The following RCOR1 variants were observed in gnomAD, a reference collection of about 807,000 sequenced individuals.
RCOR1 encodes REST corepressor 1.
RCOR1 carries 12 observed loss-of-function variants against 64.0 expected under a neutral mutation model. The observed-to-expected ratio is 0.19, with a 90% confidence interval of 0.12 to 0.30. RCOR1 has a LOEUF of 0.30. Among genes scored for constraint, RCOR1 ranks in the 10% least tolerant of loss-of-function variants. The pLI, the probability that RCOR1 is intolerant of heterozygous loss-of-function variation, is 1.00. For missense variants in RCOR1, 502 were observed against 621.2 expected (o/e 0.81, Z 2.04); for synonymous variants, 279 against 227.2 (o/e 1.23, Z -2.05).
At chr14:102,629,409 A>G (rs1412546216) in intron 2 of RCOR1, among the ~76,000 whole-genome samples, 1 of 149,992 alleles carries the variant, frequency 6.7e-6, no homozygotes, top group East Asian at 2.0e-4. Context: ...AGGTGAGAGG[A>G]GAGCTTTTTA....
chr14:102,729,668 A>T lies in RCOR1; in HGVS notation c.*3162A>T. 2.5e-6 allele frequency: 1 copy of T among 394,754 alleles called. No homozygotes were observed. The highest frequency in any genetic ancestry group is 3.6e-5 in the East Asian group (1 of 27,852). The allele number at this position is 394,754 out of a possible 1,614,324, so 24.5% of individuals were successfully genotyped here. A position where few individuals can be genotyped will look rare whatever the true frequency, so the allele number is the denominator to read the frequency against. ...TTCATCTAAAGTTTCCTCAGATACCACAGACCACTGTTAAGTGTGCTCATT... is the reference window on the plus strand; with the variant it reads ...TTCATCTAAAGTTTCCTCAGATACCTCAGACCACTGTTAAGTGTGCTCATT... On this transcript the variant is annotated 3_prime_UTR_variant, in exon 12 of 12. Transcript: ENST00000262241.
chr14:102,702,149 T>A (rs1468272059), intron 4 of RCOR1, among the ~76,000 whole-genome samples: 1 of 152,240 alleles, frequency 6.6e-6, no homozygotes, highest in East Asian at 1.9e-4. Flanking sequence ...CTGACATTTC[T>A]TATTTTTCTG....
intron 2 of RCOR1, among the ~76,000 whole-genome samples, chr14:102,609,014 T>C (rs1490035812): frequency 6.6e-6 from 1 of 151,444 alleles, no homozygotes; most frequent in Non-Finnish European, 1.5e-5. Flanking sequence ...ATGGAGTAAT[T>C]CTGTGCTTCA....
At chr14:102,659,235 C>A in intron 2 of RCOR1, 1 of 985,034 alleles carries the variant, frequency 1.0e-6, no homozygotes, top group African/African-American at 1.7e-5. Flanking sequence ...TGCATATGAA[C>A]AAGTGGAGTT....
chr14:102,620,128 T>C (rs541422747), intron 2 of RCOR1, among the ~76,000 whole-genome samples: 1 of 152,214 alleles, frequency 6.6e-6, no homozygotes, highest in Admixed American at 6.6e-5. Flanking sequence ...AGTGACTCAC[T>C]TCTGTAATCC....
At chr14:102,629,079 G>C (rs887757639) in intron 2 of RCOR1, among the ~76,000 whole-genome samples, 2 of 151,982 alleles carry the variant, frequency 1.3e-5, no homozygotes, top group Non-Finnish European at 2.9e-5. Context: ...TATTCAACAC[G>C]CTGTTTCCTG....
At position 102,707,417 on chromosome 14, in the gene RCOR1, A is replaced by T; in HGVS notation, c.565A>T (p.Thr189Ser). Residue 189 changes from threonine to serine, a missense_variant, in exon 5 of 12, where the codon ACC becomes TCC. By Grantham distance (58) the Thr-to-Ser change is moderately conservative. This residue lies in a region of RCOR1 where 260 missense variants were observed against 416.4 expected (regional missense o/e 0.62). Transcript: ENST00000262241. ...GTCATTGGCTGATTTGCCCAACTTT[A>T]CCCCTTTCCCAGATGAGTGGACTGT... ...EKSLADLPNFTPFPDEWTVED... is the reference protein window; with the variant it reads ...EKSLADLPNFSPFPDEWTVED... 1 of 1,613,670 alleles carries T rather than the reference A, an allele frequency of 6.2e-7. No homozygotes were observed. Among genetic ancestry groups the T allele is most frequent in the Non-Finnish European group, 8.5e-7 (1 of 1,179,768 alleles).
At chr14:102,706,302 A>G (rs1273450522) in intron 4 of RCOR1, among the ~76,000 whole-genome samples, 4 of 152,066 alleles carry the variant, frequency 2.6e-5, no homozygotes, top group Non-Finnish European at 4.4e-5. Context: ...ATGGGTAAAA[A>G]TTACAGGATC....
At chr14:102,676,900 G>A (rs1595225220) in intron 2 of RCOR1, among the ~76,000 whole-genome samples, 4 of 116,014 alleles carry the variant, frequency 3.4e-5, no homozygotes, top group East Asian at 5.9e-4. Context: ...TGGCCGGGCG[G>A]GGGGCTGACC....
At chr14:102,702,932 C>CA (rs1244989819) in intron 4 of RCOR1, among the ~76,000 whole-genome samples, 1 of 152,040 alleles carries the variant, frequency 6.6e-6, no homozygotes, top group African/African-American at 2.4e-5. Flanking sequence ...GATTTTAAAA[C>CA]AACTATCTTA....
chr14:102,616,941 G>T (rs1893773285), intron 2 of RCOR1, among the ~76,000 whole-genome samples: 1 of 152,186 alleles, frequency 6.6e-6, no homozygotes, highest in Non-Finnish European at 1.5e-5. Flanking sequence ...CTAACAAACG[G>T]TTGCCAGCTA....
intron 2 of RCOR1, among the ~76,000 whole-genome samples, chr14:102,670,386 A>G (rs890733835): frequency 2.0e-5 from 3 of 152,170 alleles, no homozygotes; most frequent in African/African-American, 7.2e-5. Flanking sequence ...TAGAATTTAA[A>G]TTTTAAAGCA....
chr14:102,679,919 T>C (rs561944977), intron 2 of RCOR1, among the ~76,000 whole-genome samples: 1 of 152,370 alleles, frequency 6.6e-6, no homozygotes, highest in Non-Finnish European at 1.5e-5. Context: ...CCTTTCTTTA[T>C]GAATTGTAGA....
chr14:102,683,187 C>T (rs1339492222), intron 3 of RCOR1, among the ~76,000 whole-genome samples: 3 of 152,084 alleles, frequency 2.0e-5, no homozygotes, highest in Non-Finnish European at 2.9e-5. Flanking sequence ...TGATTACAAT[C>T]GTTTTAAGTT....
chr14:102,659,749 A>T (rs958997945), intron 2 of RCOR1, among the ~76,000 whole-genome samples: 1 of 152,204 alleles, frequency 6.6e-6, no homozygotes, highest in Non-Finnish European at 1.5e-5. Context: ...TGCTGCTGCC[A>T]TTTATATAAT....
In RCOR1 at chr14:102,685,335, A is replaced by T. The variant is rs138384467; in HGVS notation, c.445+3357A>T. 2.9e-3 allele frequency among the ~76,000 whole-genome samples: 438 copies of T among 152,072 alleles called. 1 individual carries two copies. The highest frequency in any genetic ancestry group is 4.6e-3 in the Non-Finnish European group (314 of 68,006). On this transcript the variant is annotated intron_variant, in intron 3 of 11. Transcript: ENST00000262241. The stretch of plus-strand genomic sequence containing the variant: ...TTTTTTTTTACTGTAACTAGTATGG[A>T]TGTATCATAATTTAGCCTTTTTTTA...
At chr14:102,702,915 AG>A (rs1447932045) in intron 4 of RCOR1, among the ~76,000 whole-genome samples, 24 of 152,350 alleles carry the variant, frequency 1.6e-4, no homozygotes, top group African/African-American at 5.8e-4. Flanking sequence ...CAGATCTACT[AG>A]GCAAAGATTT....
At chr14:102,685,078 G>GTT (rs1252830921) in intron 3 of RCOR1, among the ~76,000 whole-genome samples, 34 of 148,032 alleles carry the variant, frequency 2.3e-4, no homozygotes, top group East Asian at 7.9e-4. Flanking sequence ...GTGTGTGTGT[G>GTT]TTTTTTTTTT....
At chr14:102,635,707 T>C (rs1231481893) in intron 2 of RCOR1, among the ~76,000 whole-genome samples, 1 of 152,124 alleles carries the variant, frequency 6.6e-6, no homozygotes, top group Non-Finnish European at 1.5e-5. Flanking sequence ...ATGGATTGTT[T>C]TTCTGCATGT....
Sources: gnomAD v4.1 joint callset for allele counts (sites outside exome capture counted in the v4.1 genomes callset) on GRCh38, gnomAD v4.1.1 for gene constraint, gnomAD v4.1.1 regional missense constraint, MANE v1.5 for transcripts, NCBI Gene and HGNC (gene_info 2026-07-23, HGNC 2026-07-21) for gene names.